Variants in RIMS1 observed in about 807,000 individuals in gnomAD.
RIMS1 encodes the protein regulating synaptic membrane exocytosis protein 1.
A neutral mutation model predicts 214.1 loss-of-function variants in RIMS1; 83 were observed. The ratio of observed to expected loss-of-function variants is 0.39; its 90% CI spans 0.32 to 0.47. RIMS1 has a LOEUF of 0.47. Ranked by LOEUF, RIMS1 falls within the 20% of genes least tolerant of loss-of-function variation. The probability of loss-of-function intolerance (pLI) is 0.99; values close to 1 mark genes in which losing one functional copy is unlikely to be tolerated. For synonymous variants in RIMS1, 793 were observed against 786.8 expected, an observed-to-expected ratio of 1.01 and a Z score of -0.13; for missense variants, 2,050 against 2,161.8, an observed-to-expected ratio of 0.95 and a Z score of 1.03.
rs1368190792 is a variant in RIMS1, at chr6:72,157,502, T to C, written c.472-22073T>C. 2.8e-5 allele frequency among the ~76,000 whole-genome samples: 4 copies of C among 140,594 alleles called. 1 individual carries two copies. The highest frequency in any genetic ancestry group is 9.8e-5 in the African/African-American group (4 of 40,692). 92.2% of individuals were successfully genotyped at this position (140,594 alleles called of 152,430 possible). A position where few individuals can be genotyped will look rare whatever the true frequency, so the allele number is the denominator to read the frequency against. ...GTTGTGTGTCTTTTGGGTGAATTAATTTTTCATCATAATTAAATGCTCCTT... is the reference window on the plus strand; with the variant it reads ...GTTGTGTGTCTTTTGGGTGAATTAACTTTTCATCATAATTAAATGCTCCTT... On this transcript the variant is annotated intron_variant, in intron 4 of 33. Transcript: ENST00000521978.
rs1030110174 is a variant in RIMS1, at chr6:71,938,291, C to G, written c.165-30692C>G. Among the ~76,000 whole-genome samples the G allele has an allele frequency of 6.6e-5, 10 of 152,252 alleles. No homozygotes were observed. The South Asian group carries it at 1.7e-3, about 25-fold the overall frequency. ...GGTGGTGGATGTACTGTTCTAGGGT[C>G]TCTGAGGTGGCCTTGCTTTCATGGC... is the stretch of plus-strand genomic sequence containing the variant. On this transcript the variant is annotated intron_variant, in intron 1 of 33. Coordinates refer to ENST00000521978, the MANE Select transcript of RIMS1 (RefSeq NM_014989.7).
chr6:72,077,047 C>G (rs964756004), intron 2 of RIMS1, among the ~76,000 whole-genome samples: 2 of 152,194 alleles, frequency 1.3e-5, no homozygotes, highest in African/African-American at 4.8e-5. Flanking sequence ...CACTCTGCCT[C>G]GTCTGCCCTG....
rs1331057872 is a variant in RIMS1 at position 72,094,818 on chromosome 6, C to T, written c.246-2131C>T. 2.6e-5 allele frequency among the ~76,000 whole-genome samples: 4 copies of T among 152,126 alleles called. No individual in the cohort carries two copies. In the East Asian group the frequency reaches 7.7e-4, roughly 29 times the overall value. ...TTTTCCTTAGCCTAGTTTTCTCCTT[C>T]TCATTTATATTTACTTAAATAGATT... On this transcript the variant is annotated intron_variant, in intron 2 of 33. Transcript: ENST00000521978.
chr6:71,934,917 T>A (rs1026651493), intron 1 of RIMS1, among the ~76,000 whole-genome samples: 1 of 152,232 alleles, frequency 6.6e-6, no homozygotes, highest in African/African-American at 2.4e-5. Context: ...TGTTCATGTG[T>A]GCATGTATGT....
At chr6:71,896,821 G>A (rs1771942410) in intron 1 of RIMS1, among the ~76,000 whole-genome samples, 1 of 152,048 alleles carries the variant, frequency 6.6e-6, no homozygotes, top group Non-Finnish European at 1.5e-5. Context: ...AATCTCAGAT[G>A]TTGGCGTTCT....
At chr6:71,921,015 A>G (rs1779801029) in intron 1 of RIMS1, among the ~76,000 whole-genome samples, 1 of 152,260 alleles carries the variant, frequency 6.6e-6, no homozygotes, top group South Asian at 2.1e-4. Flanking sequence ...TTCTTCTAGA[A>G]GTCCTGGATA....
chr6:72,260,222 A>C (rs947697134), intron 18 of RIMS1, among the ~76,000 whole-genome samples: 3 of 152,144 alleles, frequency 2.0e-5, no homozygotes, highest in African/African-American at 7.2e-5. Context: ...AAAAATTCTA[A>C]TCAATTATAT....
intron 4 of RIMS1, among the ~76,000 whole-genome samples, chr6:72,150,653 C>T (rs749420921): frequency 3.3e-5 from 5 of 152,206 alleles, no homozygotes; most frequent in African/African-American, 7.2e-5. Flanking sequence ...TCTAATGTCA[C>T]GAACTAGTTT....
At chr6:72,160,968 A>C (rs2463738) in intron 4 of RIMS1, among the ~76,000 whole-genome samples, 121,957 of 138,348 alleles carry the variant, frequency 0.88, 55,987 homozygotes, top group East Asian at 1. Flanking sequence ...GTACCAGCTC[A>C]TTCTTGTATC....
intron 29 of RIMS1, among the ~76,000 whole-genome samples, chr6:72,347,517 A>C (rs1319526627): frequency 6.6e-6 from 1 of 151,904 alleles, no homozygotes; most frequent in Non-Finnish European, 1.5e-5. Context: ...CTTATGGTGT[A>C]GGCCACAGAT....
intron 2 of RIMS1, among the ~76,000 whole-genome samples, chr6:71,975,935 G>A (rs1040490784): frequency 6.6e-6 from 1 of 151,950 alleles, no homozygotes; most frequent in African/African-American, 2.4e-5. Flanking sequence ...GACATATCAG[G>A]TTTTGTTTAT....
rs546436846 is a variant in RIMS1 at position 71,927,110 on chromosome 6, G to T, written c.164+39923G>T. Among the ~76,000 whole-genome samples, 4 of 152,186 alleles carry T rather than the reference G, an allele frequency of 2.6e-5. No homozygotes were observed. In the East Asian group the frequency reaches 7.7e-4, roughly 29 times the overall value. ...AAAGAAGGCAGAAAAAAATTTAGAAGAAATGAATGGCAATTAATAATTTAT... is the reference window on the plus strand; with the variant it reads ...AAAGAAGGCAGAAAAAAATTTAGAATAAATGAATGGCAATTAATAATTTAT... On this transcript the variant is annotated intron_variant, in intron 1 of 33. Coordinates refer to ENST00000521978, the MANE Select transcript of RIMS1 (RefSeq NM_014989.7).
At position 72,279,737 on chromosome 6, in the gene RIMS1, C is replaced by A. The variant is rs529559012; in HGVS notation, c.3483-4310C>A. Among the ~76,000 whole-genome samples the A allele has an allele frequency of 4.2e-4, 64 of 152,048 alleles. 1 individual carries two copies. Among genetic ancestry groups the A allele is most frequent in the African/African-American group, 1.5e-3 (61 of 41,514 alleles). ...GCAGAGTCAGCAGAGAACTTAAGCACATAGGGGTGTGATGGTGTTATCCTC... is the reference window on the plus strand; with the variant it reads ...GCAGAGTCAGCAGAGAACTTAAGCAAATAGGGGTGTGATGGTGTTATCCTC... On this transcript the variant is annotated intron_variant, in intron 23 of 33. Transcript: ENST00000521978.
At chr6:72,000,788 CTATCT>C (rs1406672372) in intron 2 of RIMS1, among the ~76,000 whole-genome samples, 1 of 152,070 alleles carries the variant, frequency 6.6e-6, no homozygotes, top group African/African-American at 2.4e-5. Flanking sequence ...GTTTATAGTC[CTATCT>C]TTTATGAAAT....
At chr6:72,234,056 A>C (rs2063107900) in intron 7 of RIMS1, among the ~76,000 whole-genome samples, 1 of 152,006 alleles carries the variant, frequency 6.6e-6, no homozygotes, top group African/African-American at 2.4e-5. Context: ...AATTACTATA[A>C]GTAAGATTGA....
chr6:72,073,187 T>G (rs1830986878), intron 2 of RIMS1, among the ~76,000 whole-genome samples: 1 of 152,176 alleles, frequency 6.6e-6, no homozygotes. Flanking sequence ...TTTAGGGGGT[T>G]TTGTTTTTGT....
intron 2 of RIMS1, among the ~76,000 whole-genome samples, chr6:72,021,194 A>G (rs1437709168): frequency 6.6e-6 from 1 of 152,212 alleles, no homozygotes; most frequent in Non-Finnish European, 1.5e-5. Context: ...AAGGCATTCT[A>G]TGTGAGACCA....
At chr6:71,974,159 A>G (rs890022249) in intron 2 of RIMS1, among the ~76,000 whole-genome samples, 9 of 152,178 alleles carry the variant, frequency 5.9e-5, no homozygotes, top group Non-Finnish European at 8.8e-5. Flanking sequence ...AGCTGTGCCA[A>G]TGGTTGCTAA....
chr6:72,308,716 G>A (rs955011662), intron 27 of RIMS1, among the ~76,000 whole-genome samples: 3 of 152,028 alleles, frequency 2.0e-5, no homozygotes, highest in African/African-American at 7.2e-5. Context: ...CAGTGTGGAG[G>A]GTCACTGTGA....
Sources: allele counts gnomAD v4.1 joint callset (sites outside exome capture counted in the v4.1 genomes callset), GRCh38; gene constraint gnomAD v4.1.1; transcripts MANE v1.5; gene names NCBI Gene and HGNC (gene_info 2026-07-23, HGNC 2026-07-21).